Variants in ATP2A2 observed in about 807,000 individuals in gnomAD.
ATP2A2 encodes the protein ATPase sarcoplasmic/endoplasmic reticulum Ca2+ transporting 2.
A neutral mutation model predicts 109.3 loss-of-function variants in ATP2A2; 14 were observed. That is an observed-to-expected ratio of 0.13 (90% CI 0.08 to 0.20). The LOEUF (loss-of-function observed/expected upper bound fraction) is 0.20, where lower values mean the gene tolerates loss of function less well. Ranked by LOEUF, ATP2A2 falls within the 10% of genes least tolerant of loss-of-function variation. The probability of loss-of-function intolerance (pLI) is 1.00; values close to 1 mark genes in which losing one functional copy is unlikely to be tolerated. For missense variants in ATP2A2, 657 were observed against 1,321.6 expected, an observed-to-expected ratio of 0.50 and a Z score of 7.80; for synonymous variants, 506 against 490.9, an observed-to-expected ratio of 1.03 and a Z score of -0.41.
chr12:110,335,975 C>G (rs1037713541), intron 11 of ATP2A2, among the ~76,000 whole-genome samples: 2 of 152,248 alleles, frequency 1.3e-5, no homozygotes, highest in African/African-American at 4.8e-5. Flanking sequence ...AGTGAATACC[C>G]TCTATCTGCA....
chr12:110,313,435 C>G (rs1876318295), intron 5 of ATP2A2, among the ~76,000 whole-genome samples: 1 of 149,896 alleles, frequency 6.7e-6, no homozygotes, highest in Non-Finnish European at 1.5e-5. Context: ...GCCTCAGCCT[C>G]CCCGTTAGCT....
intron 5 of ATP2A2, among the ~76,000 whole-genome samples, chr12:110,299,172 C>T (rs1566207804): frequency 6.6e-6 from 1 of 152,054 alleles, no homozygotes; most frequent in Non-Finnish European, 1.5e-5. Context: ...GGGTCTTGCC[C>T]TGTTGCCCAG....
rs1566247380 is a variant in ATP2A2, at chr12:110,350,012, A to G, written c.*3542A>G. The stretch of plus-strand genomic sequence containing the variant: ...CTGTCTCGCTGCTTTCACAGCTGCA[A>G]CGATTGTGTCTGCCTCATGGGGTTT... On this transcript the variant is annotated 3_prime_UTR_variant, in exon 20 of 20. Transcript: ENST00000539276. The G allele has an allele frequency of 1.5e-6, 2 of 1,361,044 alleles. No homozygotes were observed. The highest frequency in any genetic ancestry group is 3.1e-5 in the Admixed American group (1 of 32,586). The allele number at this position is 1,361,044 out of a possible 1,614,324, so 84.3% of individuals were successfully genotyped here. A position where few individuals can be genotyped will look rare whatever the true frequency, so the allele number is the denominator to read the frequency against.
chr12:110,348,488 A>C lies in ATP2A2; in HGVS notation c.*2018A>C. ...TGGTTGGAGTTTGGGGAGGGTTAGGAGGCATCAAGCAGGACAAGGTGCTGC... is the reference window on the plus strand; with the variant it reads ...TGGTTGGAGTTTGGGGAGGGTTAGGCGGCATCAAGCAGGACAAGGTGCTGC... On this transcript the variant is annotated 3_prime_UTR_variant, in exon 20 of 20. Coordinates refer to ENST00000539276, the MANE Select transcript of ATP2A2 (RefSeq NM_170665.4). 1.0e-6 allele frequency: 1 copy of C among 985,510 alleles called. No individual in the cohort carries two copies. Among genetic ancestry groups the C allele is most frequent in the South Asian group, 4.7e-5 (1 of 21,286 alleles). 61.0% of individuals were successfully genotyped at this position (985,510 alleles called of 1,614,324 possible). A position where few individuals can be genotyped will look rare whatever the true frequency, so the allele number is the denominator to read the frequency against.
Position 110,282,670 on chromosome 12 carries a change from A to G in ATP2A2, c.137-43A>G, listed in dbSNP as rs534361337. On this transcript the variant is annotated intron_variant, in intron 2 of 19. Coordinates refer to ENST00000539276, the MANE Select transcript of ATP2A2 (RefSeq NM_170665.4). ...TTTTTTTTCCTCTGTTGGTGTGCTG[A>G]TGGTAAGATGACAGTTAAAACACAT... The G allele has an allele frequency of 1.3e-4, 206 of 1,613,528 alleles. 5 individuals carry two copies. In the South Asian group the frequency reaches 2.1e-3, roughly 17 times the overall value.
Position 110,289,012 on chromosome 12 carries a change from A to G in ATP2A2, c.220-3008A>G, listed in dbSNP as rs78496011. 1.5e-3 allele frequency among the ~76,000 whole-genome samples: 229 copies of G among 152,316 alleles called. 1 individual carries two copies. The East Asian group carries it at 0.035, about 23-fold the overall frequency. On this transcript the variant is annotated intron_variant, in intron 3 of 19. Transcript: ENST00000539276. ...TCAGAACTGTGAAGGACTGCCCGAC[A>G]TGATCTGATATGGTTGTTCTTCATT... is the stretch of plus-strand genomic sequence containing the variant.
intron 5 of ATP2A2, among the ~76,000 whole-genome samples, chr12:110,300,186 T>C (rs796578732): frequency 5.1e-4 from 46 of 89,822 alleles, no homozygotes; most frequent in East Asian, 3.5e-3. Flanking sequence ...CGCTCTCTCT[T>C]TTTTTTTTTT....
At chr12:110,299,158 A>G (rs1177897767) in intron 5 of ATP2A2, among the ~76,000 whole-genome samples, 1 of 152,062 alleles carries the variant, frequency 6.6e-6, no homozygotes, top group Non-Finnish European at 1.5e-5. Context: ...TTTTTTGTAG[A>G]GATGGGTCTT....
intron 5 of ATP2A2, among the ~76,000 whole-genome samples, chr12:110,304,873 G>A (rs539497382): frequency 2.0e-5 from 3 of 152,250 alleles, no homozygotes; most frequent in Non-Finnish European, 2.9e-5. Flanking sequence ...TGATCCAGGC[G>A]TCGTGGCTCA....
At chr12:110,301,338 G>T (rs1264291118) in intron 5 of ATP2A2, among the ~76,000 whole-genome samples, 3 of 152,212 alleles carry the variant, frequency 2.0e-5, no homozygotes, top group African/African-American at 7.2e-5. Flanking sequence ...ACAAAAGCCA[G>T]CTTCTCTTCA....
At position 110,347,523 on chromosome 12, in the gene ATP2A2, C is replaced by T. The variant is rs1369486737; in HGVS notation, c.*1053C>T. On this transcript the variant is annotated 3_prime_UTR_variant, in exon 20 of 20. Coordinates refer to ENST00000539276, the MANE Select transcript of ATP2A2 (RefSeq NM_170665.4). ...TGTCATCTGTGATGTACATTTTATG[C>T]AAGTTTCTGCTGGCCTGGTATAGAG... The T allele has an allele frequency of 1.4e-5, 18 of 1,288,336 alleles. No homozygotes were observed. The East Asian group carries it at 8.9e-4, about 64-fold the overall frequency. 79.8% of individuals were successfully genotyped at this position (1,288,336 alleles called of 1,614,324 possible). A position where few individuals can be genotyped will look rare whatever the true frequency, so the allele number is the denominator to read the frequency against.
rs1214150924 is a variant in ATP2A2 at position 110,346,619 on chromosome 12, A to G, written c.*149A>G. ...TCTAGATTTTGTTTTGCTTTTTCTG[A>G]CTCCAGTGGGGCAAGATTTTCCTTT... On this transcript the variant is annotated 3_prime_UTR_variant, in exon 20 of 20. Transcript: ENST00000539276. The G allele has an allele frequency of 4.7e-6, 7 of 1,490,950 alleles. No homozygotes were observed. The highest frequency in any genetic ancestry group is 6.2e-6 in the Non-Finnish European group (7 of 1,128,876). The allele number at this position is 1,490,950 out of a possible 1,614,324, so 92.4% of individuals were successfully genotyped here. A position where few individuals can be genotyped will look rare whatever the true frequency, so the allele number is the denominator to read the frequency against.
chr12:110,330,898 A>T (rs1266425930), intron 8 of ATP2A2: 2 of 152,238 alleles, frequency 1.3e-5, no homozygotes, highest in Non-Finnish European at 2.9e-5. Flanking sequence ...ATGTAGATTC[A>T]GATTCTGAAT....
Position 110,348,978 on chromosome 12 carries a change from T to C in ATP2A2, c.*2508T>C. The C allele has an allele frequency of 1.0e-6, 1 of 985,420 alleles. No individual in the cohort carries two copies. Among genetic ancestry groups the C allele is most frequent in the Non-Finnish European group, 1.2e-6 (1 of 829,942 alleles). 61.0% of individuals were successfully genotyped at this position (985,420 alleles called of 1,614,324 possible). A position where few individuals can be genotyped will look rare whatever the true frequency, so the allele number is the denominator to read the frequency against. On this transcript the variant is annotated 3_prime_UTR_variant, in exon 20 of 20. Coordinates refer to ENST00000539276, the MANE Select transcript of ATP2A2 (RefSeq NM_170665.4). ...CTCAGTTCCTTGACTTAGTGGCCTT[T>C]ACAAAAAAAGTTGAGTAGTGTGTGG...
At position 110,334,177 on chromosome 12, in the gene ATP2A2, G is replaced by A. The variant is rs759594297; in HGVS notation, c.1419+34G>A. ...TTGAACCTGGTTTATTGTTCATGCT[G>A]CTTATCAGTCGTACTATATATACTT... On this transcript the variant is annotated intron_variant, in intron 11 of 19. Coordinates refer to ENST00000539276, the MANE Select transcript of ATP2A2 (RefSeq NM_170665.4). 3.1e-6 allele frequency: 5 copies of A among 1,612,022 alleles called. No homozygotes were observed. The African/African-American group carries it at 4.0e-5, about 13-fold the overall frequency.
At chr12:110,324,406 G>A (rs569743430) in intron 6 of ATP2A2, among the ~76,000 whole-genome samples, 21 of 152,128 alleles carry the variant, frequency 1.4e-4, no homozygotes, top group African/African-American at 4.8e-4. Flanking sequence ...CCCTAAAGAC[G>A]TAGTTGCCAT....
chr12:110,345,211 T>C (rs1440750151), intron 17 of ATP2A2, 38 bp from the exon 18 acceptor site: 6 of 1,614,004 alleles, frequency 3.7e-6, no homozygotes, highest in Non-Finnish European at 3.4e-6. Context: ...TTGGGAAATA[T>C]ACTGGGCTGA....
In ATP2A2 at chr12:110,323,065, T is replaced by C; in HGVS notation, c.537T>C (p.Ile179=). The C allele has an allele frequency of 1.9e-6, 3 of 1,603,368 alleles. 1 individual carries two copies. The highest frequency in any genetic ancestry group is 3.3e-4 in the Middle Eastern group (2 of 6,036). The change falls in exon 6 of 20, where the codon ATT becomes ATC. Residue 179 remains isoleucine, a synonymous_variant. Coordinates refer to ENST00000539276, the MANE Select transcript of ATP2A2 (RefSeq NM_170665.4). ...CCACACTAAGAGTTGACCAGTCAAT[T>C]CTCACAGGTAAATATGATATATTAA... ...KSTTLRVDQS[I]LTGESVSVIK...
chr12:110,307,222 C>CT (rs113642254), intron 5 of ATP2A2, among the ~76,000 whole-genome samples: 116,665 of 126,722 alleles, frequency 0.92, 54,220 homozygotes, highest in South Asian at 0.97. Flanking sequence ...GCCCCACCAC[C>CT]TTTTTTTTTT....
Sources: gnomAD v4.1 joint callset for allele counts (sites outside exome capture counted in the v4.1 genomes callset) on GRCh38, gnomAD v4.1.1 for gene constraint, MANE v1.5 for transcripts, NCBI Gene and HGNC (gene_info 2026-07-23, HGNC 2026-07-21) for gene names.